Variants in TEK observed in about 807,000 individuals in gnomAD.
TEK encodes angiopoietin-1 receptor.
Under a neutral mutation model 131.8 loss-of-function variants are expected in TEK, and 43 were observed. The ratio of observed to expected loss-of-function variants is 0.33; its 90% CI spans 0.26 to 0.42. The LOEUF (loss-of-function observed/expected upper bound fraction) is 0.42, where lower values mean the gene tolerates loss of function less well. Among genes scored for constraint, TEK ranks in the 10% least tolerant of loss-of-function variants. TEK has a pLI of 1.00. For synonymous variants in TEK, 580 were observed against 491.6 expected (o/e 1.18, Z -2.38); for missense variants, 1,162 against 1,384.4 (o/e 0.84, Z 2.55).
rs892869234 is a variant in TEK, at chr9:27,228,069, A to C, written c.3201-137A>C. 4.7e-6 allele frequency: 3 copies of C among 640,136 alleles called. No individual in the cohort carries two copies. The African/African-American group carries it at 5.5e-5, about 12-fold the overall frequency. The allele number at this position is 640,136 out of a possible 1,614,324, so 39.7% of individuals were successfully genotyped here. A position where few individuals can be genotyped will look rare whatever the true frequency, so the allele number is the denominator to read the frequency against. ...CTTAGGGAGGTGGGAGTCCTCATAG[A>C]AACTTCCTAGGGGCTGTACTTTGGT... On this transcript the variant is annotated intron_variant, in intron 21 of 22. Transcript: ENST00000380036.
chr9:27,110,534 C>T (rs1332640405), intron 1 of TEK, among the ~76,000 whole-genome samples: 1 of 152,160 alleles, frequency 6.6e-6, no homozygotes, highest in Non-Finnish European at 1.5e-5. Context: ...GGTTTGAAAA[C>T]ATTCTAATTT....
rs112080173 is a variant in TEK, at chr9:27,125,531, C to T, written c.52+15889C>T. On this transcript the variant is annotated intron_variant, in intron 1 of 22. Transcript: ENST00000380036. The stretch of plus-strand genomic sequence containing the variant: ...ACCCCTACCAAGCCCATCTTTTCAC[C>T]TTATGCCCAGGCAGTTGAGAACACA... Among the ~76,000 whole-genome samples the T allele has an allele frequency of 9.9e-4, 151 of 152,254 alleles. 1 individual carries two copies. Among genetic ancestry groups the T allele is most frequent in the African/African-American group, 3.5e-3 (146 of 41,548 alleles).
At chr9:27,115,708 A>G (rs541278034) in intron 1 of TEK, among the ~76,000 whole-genome samples, 1 of 152,330 alleles carries the variant, frequency 6.6e-6, no homozygotes, top group Middle Eastern at 3.4e-3. Context: ...TCATAGCCAA[A>G]TGATTTTGAA....
intron 9 of TEK, among the ~76,000 whole-genome samples, chr9:27,187,057 A>G (rs1386366112): frequency 1.3e-5 from 2 of 152,206 alleles, no homozygotes; most frequent in Admixed American, 6.5e-5. Context: ...GCAGACAAGA[A>G]AAATTACCCT....
chr9:27,180,119 C>G, intron 6 of TEK, 121 bp from the exon 7 acceptor site: 2 of 1,423,396 alleles, frequency 1.4e-6, no homozygotes, highest in Non-Finnish European at 2.0e-6. Flanking sequence ...AAATTACCCC[C>G]TACCTTACAC....
intron 20 of TEK, among the ~76,000 whole-genome samples, chr9:27,219,175 C>A (rs560099355): frequency 6.6e-6 from 1 of 152,184 alleles, no homozygotes; most frequent in South Asian, 2.1e-4. Flanking sequence ...TTCATGTATA[C>A]CCTGATCCTA....
intron 21 of TEK, among the ~76,000 whole-genome samples, chr9:27,224,040 A>G (rs1826201220): frequency 6.6e-6 from 1 of 152,242 alleles, no homozygotes; most frequent in Non-Finnish European, 1.5e-5. Flanking sequence ...GGACACATAC[A>G]TCCTCCTATG....
chr9:27,140,324 C>T (rs964625066), intron 1 of TEK, among the ~76,000 whole-genome samples: 1 of 151,078 alleles, frequency 6.6e-6, no homozygotes, highest in African/African-American at 2.4e-5. Flanking sequence ...TGTCTGGTTC[C>T]TGAACACCAC....
At chr9:27,215,730 C>A (rs1225684502) in intron 18 of TEK, among the ~76,000 whole-genome samples, 1 of 151,992 alleles carries the variant, frequency 6.6e-6, no homozygotes, top group Non-Finnish European at 1.5e-5. Flanking sequence ...TTTGGGGTAA[C>A]ATAAGTCAGA....
intron 18 of TEK, 47 bp from the exon 19 acceptor site, chr9:27,217,641 T>C (rs1266291251): frequency 6.3e-7 from 1 of 1,582,858 alleles, no homozygotes; most frequent in African/African-American, 1.3e-5. Flanking sequence ...GAGAGCCTCT[T>C]AAAGACCCTG....
chr9:27,180,071 A>G (rs1046921817), intron 6 of TEK, among the ~76,000 whole-genome samples, 169 bp from the exon 7 acceptor site: 4 of 152,190 alleles, frequency 2.6e-5, no homozygotes, highest in Admixed American at 1.3e-4. Flanking sequence ...TTTTGGAAGC[A>G]TAACTCCCCA....
chr9:27,220,215 T>A lies in TEK; in HGVS notation c.3200+70T>A, dbSNP rs563604159. The A allele has an allele frequency of 1.7e-5, 25 of 1,467,962 alleles. No homozygotes were observed. The African/African-American group carries it at 2.9e-4, about 17-fold the overall frequency. 90.9% of individuals were successfully genotyped at this position (1,467,962 alleles called of 1,614,324 possible). On this transcript the variant is annotated intron_variant, in intron 21 of 22. Coordinates refer to ENST00000380036, the MANE Select transcript of TEK (RefSeq NM_000459.5). The stretch of plus-strand genomic sequence containing the variant: ...CTGTGTGTTTCTGGGGCCAGCTGAC[T>A]CTAGCAAAGTCAGCCGGTATACACT...
intron 8 of TEK, among the ~76,000 whole-genome samples, chr9:27,184,305 A>G (rs1227681665): frequency 6.6e-6 from 1 of 152,158 alleles, no homozygotes; most frequent in Non-Finnish European, 1.5e-5. Context: ...TCCCAACTAT[A>G]CCAAATGCAG....
intron 1 of TEK, among the ~76,000 whole-genome samples, chr9:27,127,677 G>A (rs141189971): frequency 6.6e-6 from 1 of 152,078 alleles, no homozygotes; most frequent in African/African-American, 2.4e-5. Flanking sequence ...CATTCTAACT[G>A]ATGAGAGATG....
chr9:27,173,448 T>C (rs1032625165), intron 6 of TEK, 86 bp downstream of exon 6: 3 of 1,563,142 alleles, frequency 1.9e-6, no homozygotes, highest in Non-Finnish European at 2.6e-6. Context: ...CAACATCGGA[T>C]ATACCTGGAC....
chr9:27,191,233 G>A (rs1478652145), intron 10 of TEK, among the ~76,000 whole-genome samples: 6 of 152,050 alleles, frequency 3.9e-5, no homozygotes, highest in East Asian at 1.9e-4. Flanking sequence ...GAATGGGCTC[G>A]GGGGAGGACA....
At chr9:27,193,421 C>A (rs374403239) in intron 11 of TEK, among the ~76,000 whole-genome samples, 11 of 152,126 alleles carry the variant, frequency 7.2e-5, no homozygotes, top group African/African-American at 2.7e-4. Context: ...TGGGTCCACA[C>A]GTTCTAGATA....
intron 1 of TEK, among the ~76,000 whole-genome samples, chr9:27,114,424 AGC>A (rs1821467559): frequency 6.6e-6 from 1 of 152,180 alleles, no homozygotes; most frequent in South Asian, 2.1e-4. Flanking sequence ...TACAAAAGTT[AGC>A]TGGGCATGGT....
chr9:27,145,825 ATATT>A (rs1450000215), intron 1 of TEK, among the ~76,000 whole-genome samples: 14 of 152,266 alleles, frequency 9.2e-5, no homozygotes, highest in African/African-American at 3.4e-4. Flanking sequence ...AGACATGTCA[ATATT>A]TAATTAGAAC....
Sources: allele counts gnomAD v4.1 joint callset (sites outside exome capture counted in the v4.1 genomes callset), GRCh38; gene constraint gnomAD v4.1.1; transcripts MANE v1.5; gene names NCBI Gene and HGNC (gene_info 2026-07-23, HGNC 2026-07-21).